The following ABHD6 variants were observed in gnomAD, a reference collection of about 807,000 sequenced individuals.
ABHD6 encodes monoacylglycerol lipase ABHD6.
A neutral mutation model predicts 38.8 loss-of-function variants in ABHD6; 33 were observed. That is an observed-to-expected ratio of 0.85 (90% CI 0.64 to 1.14). The LOEUF (loss-of-function observed/expected upper bound fraction) is 1.14. ABHD6 is among the 50% of genes most tolerant of loss of function. The pLI, the probability that ABHD6 is intolerant of heterozygous loss-of-function variation, is 0.00. For missense variants in ABHD6, 380 were observed against 422.6 expected (o/e 0.90, Z 0.88); for synonymous variants, 147 against 161.6 (o/e 0.91, Z 0.69).
At chr3:58,290,917 T>G (rs1385084927) in intron 9 of ABHD6, among the ~76,000 whole-genome samples, 1 of 150,466 alleles carries the variant, frequency 6.6e-6, no homozygotes, top group African/African-American at 2.5e-5. Flanking sequence ...GCAGAGGGGC[T>G]CCTCACATCC....
chr3:58,289,906 G>A (rs2097460523), intron 9 of ABHD6, among the ~76,000 whole-genome samples: 1 of 146,610 alleles, frequency 6.8e-6, no homozygotes, highest in South Asian at 2.1e-4. Context: ...GGCTGGCCGG[G>A]CAGAGGGGCT....
intron 2 of ABHD6, among the ~76,000 whole-genome samples, chr3:58,253,895 G>T (rs571274137): frequency 6.6e-6 from 1 of 152,274 alleles, no homozygotes; most frequent in South Asian, 2.1e-4. Context: ...GTAGAGTATG[G>T]GTATGTAATG....
At chr3:58,279,667 G>A (rs1239100738) in intron 7 of ABHD6, among the ~76,000 whole-genome samples, 2 of 152,254 alleles carry the variant, frequency 1.3e-5, no homozygotes, top group Middle Eastern at 6.8e-3. Flanking sequence ...CATTATTGAT[G>A]CAGTTTCTTC....
Position 58,294,400 on chromosome 3 carries a change from G to A in ABHD6, c.*635G>A, listed in dbSNP as rs2097465883. 1 of 152,438 alleles carries A rather than the reference G, an allele frequency of 6.6e-6. No homozygotes were observed. The allele number at this position is 152,438 out of a possible 1,614,324, so 9.4% of individuals were successfully genotyped here. A position where few individuals can be genotyped will look rare whatever the true frequency, so the allele number is the denominator to read the frequency against. ...AGGTTCATTCAGCACCCACCAGTCAGGTATGTTCTGAGTGAACCCACAGCA... is the reference window on the plus strand; with the variant it reads ...AGGTTCATTCAGCACCCACCAGTCAAGTATGTTCTGAGTGAACCCACAGCA... On this transcript the variant is annotated 3_prime_UTR_variant, in exon 10 of 10. Coordinates refer to ENST00000478253, the MANE Select transcript of ABHD6 (RefSeq NM_001320126.2).
At chr3:58,254,883 C>CATAT (rs72555938) in intron 2 of ABHD6, among the ~76,000 whole-genome samples, 1 of 125,118 alleles carries the variant, frequency 8.0e-6, no homozygotes. Flanking sequence ...CACACACACA[C>CATAT]ATATATATAT....
At chr3:58,286,854 A>G (rs751405325) in intron 9 of ABHD6, among the ~76,000 whole-genome samples, 1,261 of 79,182 alleles carry the variant, frequency 0.016, 47 homozygotes, top group Middle Eastern at 0.096. Context: ...GTGTGTGTGT[A>G]TATATATATA....
chr3:58,266,917 A>G lies in ABHD6; in HGVS notation c.120-272A>G, dbSNP rs1399755. 0.15 allele frequency among the ~76,000 whole-genome samples: 23,365 copies of G among 152,214 alleles called. 2,756 individuals are homozygous for G. The highest frequency in any genetic ancestry group is 0.33 in the African/African-American group (13,728 of 41,496). ...ATCAAAAGGTTATCATGTGTGGCAT[A>G]CTTCTTAAGAAAACACCGCATTTCC... is the stretch of plus-strand genomic sequence containing the variant. On this transcript the variant is annotated intron_variant, in intron 3 of 9. Coordinates refer to ENST00000478253, the MANE Select transcript of ABHD6 (RefSeq NM_001320126.2). This position sits in a 1 kb window ranked among gnomAD's most constrained non-coding sequence, Gnocchi z 4.0.
At chr3:58,289,981 C>T (rs1158362861) in intron 9 of ABHD6, among the ~76,000 whole-genome samples, 31 of 137,726 alleles carry the variant, frequency 2.3e-4, no homozygotes, top group African/African-American at 4.6e-4. Context: ...GGCGGCTGGC[C>T]GGGCGGGGGG....
chr3:58,245,817 GAAA>G (rs1450337063), intron 1 of ABHD6, among the ~76,000 whole-genome samples: 1 of 95,602 alleles, frequency 1.0e-5, no homozygotes, highest in Non-Finnish European at 2.0e-5. Flanking sequence ...AGAGAAGAAA[GAAA>G]GAAAGAAAAA....
chr3:58,286,852 G>GTATATATATATATATA (rs1235603195), intron 9 of ABHD6, among the ~76,000 whole-genome samples: 38 of 70,634 alleles, frequency 5.4e-4, no homozygotes, highest in African/African-American at 1.3e-3. Flanking sequence ...GTGTGTGTGT[G>GTATATATATATATATA]TATATATATA....
intron 1 of ABHD6, among the ~76,000 whole-genome samples, chr3:58,241,318 A>G (rs1235055955): frequency 6.6e-6 from 1 of 152,152 alleles, no homozygotes; most frequent in African/African-American, 2.4e-5. Context: ...TCTGGATCCT[A>G]TTTGACGCTT....
In ABHD6 at chr3:58,293,550, A is replaced by G. The variant is rs747990699; in HGVS notation, c.838-39A>G. 6.2e-7 allele frequency: 1 copy of G among 1,606,302 alleles called. No homozygotes were observed. Among genetic ancestry groups the G allele is most frequent in the East Asian group, 2.2e-5 (1 of 44,776 alleles). ...ACAGAGTGCACACGTGGGTGTCTGA[A>G]TCTTTGTGTATCATCCAGCTCCCTT... is the stretch of plus-strand genomic sequence containing the variant. On this transcript the variant is annotated intron_variant, in intron 9 of 9. Coordinates refer to ENST00000478253, the MANE Select transcript of ABHD6 (RefSeq NM_001320126.2). This position sits in a 1 kb window ranked among gnomAD's most constrained non-coding sequence, Gnocchi z 4.4.
rs2097466181 is a variant in ABHD6, at chr3:58,294,694, C to T, written c.*929C>T. On this transcript the variant is annotated 3_prime_UTR_variant, in exon 10 of 10. Transcript: ENST00000478253. ...AAGTCTAAACAGCTGTAAAAGTGACCACAATGACATGAAATAAATTTAATA... is the reference window on the plus strand; with the variant it reads ...AAGTCTAAACAGCTGTAAAAGTGACTACAATGACATGAAATAAATTTAATA... 1 of 152,478 alleles carries T rather than the reference C, an allele frequency of 6.6e-6. No individual in the cohort carries two copies. The highest frequency in any genetic ancestry group is 6.6e-5 in the Admixed American group (1 of 15,248). The allele number at this position is 152,478 out of a possible 1,614,324, so 9.4% of individuals were successfully genotyped here.
chr3:58,293,291 C>T lies in ABHD6; in HGVS notation c.838-298C>T, dbSNP rs187429275. Among the ~76,000 whole-genome samples, 1 of 152,176 alleles carries T rather than the reference C, an allele frequency of 6.6e-6. No homozygotes were observed. The highest frequency in any genetic ancestry group is 2.4e-5 in the African/African-American group (1 of 41,442). On this transcript the variant is annotated intron_variant, in intron 9 of 9. Coordinates refer to ENST00000478253, the MANE Select transcript of ABHD6 (RefSeq NM_001320126.2). This position sits in a 1 kb window ranked among gnomAD's most constrained non-coding sequence, Gnocchi z 4.4. ...CTCGACCCTGCTCATCCCCTGTGCTCTCTGACTTCCCCACCATACCATAAC... is the reference window on the plus strand; with the variant it reads ...CTCGACCCTGCTCATCCCCTGTGCTTTCTGACTTCCCCACCATACCATAAC...
At chr3:58,248,262 A>G (rs549746602) in intron 1 of ABHD6, among the ~76,000 whole-genome samples, 1 of 152,340 alleles carries the variant, frequency 6.6e-6, no homozygotes, top group East Asian at 1.9e-4. Flanking sequence ...GCAAAGCTGT[A>G]TCATCATTTA....
In ABHD6 at chr3:58,270,974, G is replaced by A; in HGVS notation, c.433G>A (p.Val145Ile). Reference protein sequence around the residue: ...LKLNKKPFHLVGTSMGGQVAG... With the variant: ...LKLNKKPFHLIGTSMGGQVAG... ...GCTGAACAAAAAACCTTTCCACCTGGTAGGCACCTCCATGGGTGGCCAGGT... is the reference window on the plus strand; with the variant it reads ...GCTGAACAAAAAACCTTTCCACCTGATAGGCACCTCCATGGGTGGCCAGGT... The change falls in exon 6 of 10, where the codon GTA becomes ATA. Residue 145 changes from valine to isoleucine, a missense_variant. Physicochemically the swap from Val to Ile is conservative, Grantham distance 29 (BLOSUM62 3). Coordinates refer to ENST00000478253, the MANE Select transcript of ABHD6 (RefSeq NM_001320126.2). The A allele has an allele frequency of 2.5e-6, 4 of 1,611,724 alleles. No homozygotes were observed. The highest frequency in any genetic ancestry group is 3.4e-6 in the Non-Finnish European group (4 of 1,179,326).
chr3:58,287,143 G>T lies in ABHD6; in HGVS notation c.837+1690G>T, dbSNP rs1043850217. 3.3e-5 allele frequency among the ~76,000 whole-genome samples: 5 copies of T among 151,830 alleles called. No individual in the cohort carries two copies. The highest frequency in any genetic ancestry group is 1.2e-4 in the African/African-American group (5 of 41,348). ...AATAAATTTTTAAAAAAGTAGCCAA[G>T]CATGGTGGTATGCATCTGTAGTCCC... On this transcript the variant is annotated intron_variant, in intron 9 of 9. Transcript: ENST00000478253. The surrounding 1 kb of genome is among the most constrained non-coding windows in gnomAD (Gnocchi z 4.7).
chr3:58,242,582 T>A (rs1246296022), intron 1 of ABHD6, among the ~76,000 whole-genome samples: 1 of 152,192 alleles, frequency 6.6e-6, no homozygotes, highest in African/African-American at 2.4e-5. Context: ...CTTTCCAGCT[T>A]ATCATTTGGC....
In ABHD6 at chr3:58,263,251, G is replaced by A. The variant is rs534006218; in HGVS notation, c.120-3938G>A. On this transcript the variant is annotated intron_variant, in intron 3 of 9. Coordinates refer to ENST00000478253, the MANE Select transcript of ABHD6 (RefSeq NM_001320126.2). This position sits in a 1 kb window ranked among gnomAD's most constrained non-coding sequence, Gnocchi z 4.9. ...AAACAAAAACAAAAATTAGCCGAGC[G>A]TGGTGGCACACACCTGTAATCCCAG... 2.1e-4 allele frequency among the ~76,000 whole-genome samples: 32 copies of A among 152,052 alleles called. No individual in the cohort carries two copies. The South Asian group carries it at 4.0e-3, about 19-fold the overall frequency.
Sources: gnomAD v4.1 joint callset for allele counts (sites outside exome capture counted in the v4.1 genomes callset) on GRCh38, gnomAD v4.1.1 for gene constraint, Gnocchi (gnomAD v3.1) non-coding constraint, MANE v1.5 for transcripts, NCBI Gene and HGNC (gene_info 2026-07-23, HGNC 2026-07-21) for gene names.